The following YPEL2 variants were observed in gnomAD, a reference collection of about 807,000 sequenced individuals.
The protein encoded by YPEL2 is yippee like 2, also known as protein yippee-like 2.
In YPEL2, 2 loss-of-function variants were observed where a neutral mutation model predicts 19.1. The ratio of observed to expected loss-of-function variants is 0.10; its 90% CI spans 0.04 to 0.33. The LOEUF is 0.33. YPEL2 is among the 10% of genes least tolerant of loss of function. The probability of loss-of-function intolerance (pLI) is 1.00; values close to 1 mark genes in which losing one functional copy is unlikely to be tolerated. For missense variants in YPEL2, 66 were observed against 140.7 expected (o/e 0.47, Z 2.68); for synonymous variants, 52 against 50.0 (o/e 1.04, Z -0.17).
At chr17:59,336,169 T>C (rs1235593477) in intron 1 of YPEL2, among the ~76,000 whole-genome samples, 1 of 152,202 alleles carries the variant, frequency 6.6e-6, no homozygotes, top group African/African-American at 2.4e-5. Context: ...GGAGGAAATA[T>C]ACTTTAAGAG....
intron 2 of YPEL2, among the ~76,000 whole-genome samples, chr17:59,368,613 G>T (rs2047882180): frequency 1.3e-5 from 2 of 152,184 alleles, no homozygotes; most frequent in African/African-American, 2.4e-5. Flanking sequence ...AGAGAAACAT[G>T]ACACGAGGCC....
rs2147964217 is a variant in YPEL2 at position 59,399,769 on chromosome 17, A to T, written c.*2579A>T. 1 of 152,768 alleles carries T rather than the reference A, an allele frequency of 6.5e-6. No individual in the cohort carries two copies. Among genetic ancestry groups the T allele is most frequent in the Middle Eastern group, 3.4e-3 (1 of 294 alleles). The allele number at this position is 152,768 out of a possible 1,614,324, so 9.5% of individuals were successfully genotyped here. A position where few individuals can be genotyped will look rare whatever the true frequency, so the allele number is the denominator to read the frequency against. On this transcript the variant is annotated 3_prime_UTR_variant, in exon 5 of 5. Transcript: ENST00000312655. ...GCCACAGCTGAGCTATGGAGATGCT[A>T]AATTAACTCATGGCCTCAGTCAGTT...
intron 2 of YPEL2, among the ~76,000 whole-genome samples, chr17:59,371,284 GA>G (rs2047895925): frequency 6.6e-6 from 1 of 152,222 alleles, no homozygotes; most frequent in South Asian, 2.1e-4. Context: ...ATGCTGAGCA[GA>G]CCCCTTTGTC....
Position 59,398,590 on chromosome 17 carries a change from G to A in YPEL2, c.*1400G>A, listed in dbSNP as rs2048053567. 1 of 152,190 alleles carries A rather than the reference G, an allele frequency of 6.6e-6. No homozygotes were observed. The highest frequency in any genetic ancestry group is 1.5e-5 in the Non-Finnish European group (1 of 68,036). 9.4% of individuals were successfully genotyped at this position (152,190 alleles called of 1,614,324 possible). A position where few individuals can be genotyped will look rare whatever the true frequency, so the allele number is the denominator to read the frequency against. ...ATCCCTGTAAGGCCCATAAGAGAAA[G>A]AGGAGTTTGTTACATTTAATCAACA... is the stretch of plus-strand genomic sequence containing the variant. On this transcript the variant is annotated 3_prime_UTR_variant, in exon 5 of 5. Coordinates refer to ENST00000312655, the MANE Select transcript of YPEL2 (RefSeq NM_001005404.4).
intron 1 of YPEL2, among the ~76,000 whole-genome samples, chr17:59,341,776 G>T (rs879185998): frequency 3.9e-5 from 6 of 152,186 alleles, no homozygotes; most frequent in Non-Finnish European, 8.8e-5. Context: ...GGAGAACAGG[G>T]ACTTCGATTC....
rs1337832970 is a variant in YPEL2, at chr17:59,353,124, C to A, written c.-195-91C>A. On this transcript the variant is annotated intron_variant, in intron 1 of 4. Coordinates refer to ENST00000312655, the MANE Select transcript of YPEL2 (RefSeq NM_001005404.4). This position sits in a 1 kb window ranked among gnomAD's most constrained non-coding sequence, Gnocchi z 4.8. ...GGGTCATTTGATCCTGTCAGTGTTG[C>A]CTTCTTCATGGGTGGCAGTTGGATT... 7.2e-6 allele frequency: 2 copies of A among 276,024 alleles called. No homozygotes were observed. The highest frequency in any genetic ancestry group is 1.4e-5 in the Non-Finnish European group (2 of 146,278). The allele number at this position is 276,024 out of a possible 1,614,324, so 17.1% of individuals were successfully genotyped here. A position where few individuals can be genotyped will look rare whatever the true frequency, so the allele number is the denominator to read the frequency against.
rs11656796 is a variant in YPEL2, at chr17:59,381,731, G to T, written c.118-6596G>T. ...AAAGGACAGAAGAAAAGTTTTGTGT[G>T]GCTTAAAAAACAAAACAAAAACCCT... On this transcript the variant is annotated intron_variant, in intron 2 of 4. Coordinates refer to ENST00000312655, the MANE Select transcript of YPEL2 (RefSeq NM_001005404.4). Among the ~76,000 whole-genome samples, 7 of 152,164 alleles carry T rather than the reference G, an allele frequency of 4.6e-5. No individual in the cohort carries two copies. In the South Asian group the frequency reaches 8.3e-4, roughly 18 times the overall value.
chr17:59,380,279 T>C (rs1225011538), intron 2 of YPEL2, among the ~76,000 whole-genome samples: 5 of 146,568 alleles, frequency 3.4e-5, no homozygotes, highest in South Asian at 2.2e-4. Flanking sequence ...CTTCTTTTTT[T>C]TTTTTTTTTT....
chr17:59,343,276 C>T (rs1397388450), intron 1 of YPEL2, among the ~76,000 whole-genome samples: 3 of 152,038 alleles, frequency 2.0e-5, no homozygotes, highest in Admixed American at 6.5e-5. Context: ...AGTGTGGTTT[C>T]ACTGATGGCC....
intron 2 of YPEL2, among the ~76,000 whole-genome samples, chr17:59,359,154 C>T (rs1350552002): frequency 6.6e-6 from 1 of 152,078 alleles, no homozygotes; most frequent in African/African-American, 2.4e-5. Flanking sequence ...AAACTCCTGA[C>T]CTCCAGCGAT....
At chr17:59,375,822 A>T (rs965625842) in intron 2 of YPEL2, among the ~76,000 whole-genome samples, 2 of 152,238 alleles carry the variant, frequency 1.3e-5, no homozygotes, top group Admixed American at 1.3e-4. Flanking sequence ...GAATAGCCTA[A>T]GAGATTTTCA....
chr17:59,384,156 A>C (rs1194249564), intron 2 of YPEL2, among the ~76,000 whole-genome samples: 1 of 152,184 alleles, frequency 6.6e-6, no homozygotes, highest in Non-Finnish European at 1.5e-5. Flanking sequence ...TCTAATGTGG[A>C]CTGATTCTGA....
chr17:59,368,629 C>T (rs1162871031), intron 2 of YPEL2, among the ~76,000 whole-genome samples: 1 of 152,146 alleles, frequency 6.6e-6, no homozygotes, highest in Non-Finnish European at 1.5e-5. Flanking sequence ...AGGCCAAGTC[C>T]AGGGACCACA....
Position 59,343,810 on chromosome 17 carries a change from G to A in YPEL2, c.-195-9405G>A, listed in dbSNP as rs1048442383. Among the ~76,000 whole-genome samples the A allele has an allele frequency of 2.6e-5, 4 of 152,136 alleles. No individual in the cohort carries two copies. The South Asian group carries it at 6.2e-4, about 24-fold the overall frequency. ...TTGAAATGTGAAAGTGTGTGATCAG[G>A]TTGTGTTTTATAAACAGAATTCTAG... On this transcript the variant is annotated intron_variant, in intron 1 of 4. Coordinates refer to ENST00000312655, the MANE Select transcript of YPEL2 (RefSeq NM_001005404.4).
chr17:59,395,453 A>G (rs776623600), intron 4 of YPEL2, among the ~76,000 whole-genome samples: 1 of 152,224 alleles, frequency 6.6e-6, no homozygotes, highest in Non-Finnish European at 1.5e-5. Flanking sequence ...ACAGATGACC[A>G]GTGTTTTTCA....
chr17:59,391,458 G>A (rs111611310), intron 4 of YPEL2, among the ~76,000 whole-genome samples: 76 of 152,108 alleles, frequency 5.0e-4, no homozygotes, highest in Admixed American at 2.5e-3. Flanking sequence ...AATGTGAGCA[G>A]TACATGCCAG....
chr17:59,369,896 C>G (rs2047888308), intron 2 of YPEL2, among the ~76,000 whole-genome samples: 1 of 152,200 alleles, frequency 6.6e-6, no homozygotes, highest in Admixed American at 6.5e-5. Context: ...AAGGGGCAGG[C>G]ATTGTGCTAG....
intron 4 of YPEL2, 23 bp downstream of exon 4, chr17:59,389,491 G>A: frequency 6.3e-7 from 1 of 1,588,906 alleles, no homozygotes; most frequent in Non-Finnish European, 8.6e-7. Context: ...GAGTTTGGTT[G>A]GTAGAGGGCT....
intron 1 of YPEL2, among the ~76,000 whole-genome samples, chr17:59,337,841 G>C (rs1300003414): frequency 6.6e-6 from 1 of 152,186 alleles, no homozygotes; most frequent in African/African-American, 2.4e-5. Flanking sequence ...CTTGCTTTAA[G>C]ACATAGTGCT....
Sources: gnomAD v4.1 joint callset for allele counts (sites outside exome capture counted in the v4.1 genomes callset) on GRCh38, gnomAD v4.1.1 for gene constraint, Gnocchi (gnomAD v3.1) non-coding constraint, MANE v1.5 for transcripts, NCBI Gene and HGNC (gene_info 2026-07-23, HGNC 2026-07-21) for gene names.